DOCK11: variants seen among roughly 807,000 people sequenced by gnomAD.
DOCK11 encodes the protein dedicator of cytokinesis protein 11.
Under a neutral mutation model 169.1 loss-of-function variants are expected in DOCK11, and 70 were observed. The ratio of observed to expected loss-of-function variants is 0.41; its 90% CI spans 0.34 to 0.51. The LOEUF (loss-of-function observed/expected upper bound fraction) is 0.51, where lower values mean the gene tolerates loss of function less well. Ranked by LOEUF, DOCK11 falls within the 20% of genes least tolerant of loss-of-function variation. DOCK11 has a pLI of 0.10. For synonymous variants in DOCK11, 529 were observed against 541.3 expected, an observed-to-expected ratio of 0.98 and a Z score of 0.32; for missense variants, 1,166 against 1,538.8, an observed-to-expected ratio of 0.76 and a Z score of 4.05.
chrX:118,552,042 A>AG (rs2012513611), intron 6 of DOCK11, among the ~76,000 whole-genome samples: 2 of 108,290 alleles, frequency 1.8e-5, no homozygotes, highest in South Asian at 8.1e-4. Context: ...TGTCTCAAAA[A>AG]AAAAAAAAAA....
chrX:118,673,327 C>T (rs1227085024), intron 46 of DOCK11, among the ~76,000 whole-genome samples: 2 of 111,789 alleles, frequency 1.8e-5, no homozygotes, highest in Admixed American at 1.9e-4. Flanking sequence ...ACTGATGTAG[C>T]TGGAGCATGG....
At chrX:118,650,106 T>A (rs937124176) in intron 41 of DOCK11, among the ~76,000 whole-genome samples, 2 of 111,703 alleles carry the variant, frequency 1.8e-5, no homozygotes, top group Admixed American at 9.6e-5. Context: ...CTACCTGCAC[T>A]TAAATCATAG....
chrX:118,561,387 T>G lies in DOCK11; in HGVS notation c.563T>G (p.Phe188Cys), dbSNP rs758673628. ...NSTITVTMKVFKRRYFYLTQL... is the reference protein window; with the variant it reads ...NSTITVTMKVCKRRYFYLTQL... ...TGCTGGGTTTTCCCCATGTAGGTAT[T>G]CAAGAGACGATATTTTTACTTGACC... Residue 188 changes from phenylalanine to cysteine, a missense_variant, in exon 7 of 53, where the codon TTC becomes TGC. Coordinates refer to ENST00000276202, the MANE Select transcript of DOCK11 (RefSeq NM_144658.4). 8.4e-7 allele frequency: 1 copy of G among 1,197,134 alleles called. No individual in the cohort carries two copies.
rs2057533153 is a variant in DOCK11, at chrX:118,495,957, C to T, written c.-15C>T. 1 of 1,059,084 alleles carries T rather than the reference C, an allele frequency of 9.4e-7. No homozygotes were observed. The highest frequency in any genetic ancestry group is 4.6e-5 in the East Asian group (1 of 21,923). The allele number at this position is 1,059,084 out of a possible 1,213,427, so 87.3% of individuals were successfully genotyped here. ...AGGTCCGCCCGCCCGCCGAGACCCG[C>T]CCGCCGCCGCTGCCATGGCCGAAGT... On this transcript the variant is annotated 5_prime_UTR_variant, in exon 1 of 53. Transcript: ENST00000276202.
chrX:118,648,729 AAT>A (rs1374730346), intron 40 of DOCK11, among the ~76,000 whole-genome samples: 1 of 106,386 alleles, frequency 9.4e-6, no homozygotes, highest in Non-Finnish European at 1.9e-5. Flanking sequence ...ACATCTTTGT[AAT>A]AACTTATATA....
At chrX:118,605,432 CTA>C (rs1046394790) in intron 24 of DOCK11, 76 bp downstream of exon 24, 1 of 698,226 alleles carries the variant, frequency 1.4e-6, no homozygotes, top group African/African-American at 2.2e-5. Context: ...GTATTCATTA[CTA>C]TAAACTTCCC....
intron 28 of DOCK11, among the ~76,000 whole-genome samples, chrX:118,610,915 T>G (rs935225017): frequency 2.7e-5 from 3 of 111,116 alleles, no homozygotes; most frequent in African/African-American, 9.8e-5. Context: ...GGCAGGCACC[T>G]GTAATCCCAG....
intron 48 of DOCK11, among the ~76,000 whole-genome samples, chrX:118,679,709 A>G (rs1393310625): frequency 1.8e-5 from 2 of 111,124 alleles, no homozygotes; most frequent in Non-Finnish European, 3.8e-5. Context: ...ACTGCACTTG[A>G]GCCTGGGCAA....
rs771370875 is a variant in DOCK11, at chrX:118,542,526, G to A, written c.103-199G>A. ...TGTGTGTGTGTGTGTGTGTTTGTGT[G>A]TGTGTGTGTGTGTGTGTGTATGTGT... On this transcript the variant is annotated intron_variant, in intron 1 of 52. Transcript: ENST00000276202. 3.5e-3 allele frequency among the ~76,000 whole-genome samples: 388 copies of A among 109,908 alleles called. 3 individuals carry two copies. The highest frequency in any genetic ancestry group is 0.011 in the African/African-American group (345 of 30,165).
chrX:118,598,069 C>T lies in DOCK11; in HGVS notation c.2425C>T (p.Pro809Ser), dbSNP rs372751729. ...TATTAAATGGGTAGATGGTGCAAAG[C>T]CTTTGTTGAAGATTAAAAGCCACTT... is the stretch of plus-strand genomic sequence containing the variant. ...VDIKWVDGAK[P>S]LLKIKSHLES... Residue 809 changes from proline (P) to serine (S), a missense_variant, in exon 22 of 53, where the codon CCT (proline) becomes TCT (serine). Pro to Ser is a moderately conservative substitution (Grantham distance 74). Transcript: ENST00000276202. 5 of 1,195,730 alleles carry T rather than the reference C, an allele frequency of 4.2e-6. No homozygotes were observed. Among genetic ancestry groups the T allele is most frequent in the South Asian group, 1.8e-5 (1 of 54,159 alleles).
intron 8 of DOCK11, 151 bp from the exon 9 acceptor site, chrX:118,566,423 C>A (rs1426141277): frequency 1.7e-6 from 1 of 602,978 alleles, no homozygotes; most frequent in African/African-American, 2.3e-5. Context: ...TTCAAAAGTC[C>A]ATTAAAGTTT....
At chrX:118,673,243 T>C (rs1287803077) in intron 46 of DOCK11, among the ~76,000 whole-genome samples, 2 of 112,111 alleles carry the variant, frequency 1.8e-5, no homozygotes, top group Non-Finnish European at 3.8e-5. Flanking sequence ...GAACTACTCC[T>C]ATTTCCTTGG....
In DOCK11 at chrX:118,681,174, C is replaced by A. The variant is rs758889887; in HGVS notation, c.5788C>A (p.Gln1930Lys). Residue 1930 changes from glutamine to lysine, a missense_variant, in exon 50 of 53, where the codon CAA becomes AAA. By Grantham distance (53) the Gln-to-Lys change is moderately conservative. Coordinates refer to ENST00000276202, the MANE Select transcript of DOCK11 (RefSeq NM_144658.4). ...DEIKDKTAELQKLCSSTDVDM... is the reference protein window; with the variant it reads ...DEIKDKTAELKKLCSSTDVDM... Reference sequence around the variant, plus strand: ...AATAAAAGATAAAACTGCAGAGCTGCAAAAGCTTTGCTCCTCTACTGACGT... The same window carrying A: ...AATAAAAGATAAAACTGCAGAGCTGAAAAAGCTTTGCTCCTCTACTGACGT... 1.7e-5 allele frequency: 20 copies of A among 1,207,193 alleles called. No homozygotes were observed. In the East Asian group the frequency reaches 5.6e-4, roughly 34 times the overall value.
rs146578577 is a variant in DOCK11, at chrX:118,609,289, T to C, written c.2889T>C (p.Phe963=). 3 of 1,197,692 alleles carry C rather than the reference T, an allele frequency of 2.5e-6. No homozygotes were observed. In the African/African-American group the frequency reaches 5.3e-5, roughly 21 times the overall value. ...SINKLLKYSW[F]FFEIIAKSMA... ...TCTTTTTTTTTCAGTACTCATGGTT[T>C]TTCTTTGAAATAATTGCAAAGTCAA... The change falls in exon 27 of 53, where the codon TTT becomes TTC. Residue 963 remains phenylalanine (F), a synonymous_variant. Coordinates refer to ENST00000276202, the MANE Select transcript of DOCK11 (RefSeq NM_144658.4).
intron 41 of DOCK11, among the ~76,000 whole-genome samples, chrX:118,651,739 G>A (rs769165196): frequency 1.1e-4 from 12 of 111,690 alleles, no homozygotes; most frequent in Admixed American, 2.9e-4. Context: ...AATTGTTTAC[G>A]TCTAACCAAG....
At chrX:118,554,876 A>C (rs2012628566) in intron 6 of DOCK11, among the ~76,000 whole-genome samples, 1 of 112,159 alleles carries the variant, frequency 8.9e-6, no homozygotes, top group African/African-American at 3.2e-5. Context: ...TAATGACCAC[A>C]TAAATTGTTA....
rs912372991 is a variant in DOCK11, at chrX:118,618,826, G to A, written c.3471+98G>A. ...TTTTGTAGCAAGGAGCATTATATAAGCATTGAGGAAAATTTATTTTTGCTT... is the reference window on the plus strand; with the variant it reads ...TTTTGTAGCAAGGAGCATTATATAAACATTGAGGAAAATTTATTTTTGCTT... On this transcript the variant is annotated intron_variant, in intron 31 of 52. Transcript: ENST00000276202. 4 of 685,037 alleles carry A rather than the reference G, an allele frequency of 5.8e-6. No individual in the cohort carries two copies. The African/African-American group carries it at 9.1e-5, about 16-fold the overall frequency. 56.5% of individuals were successfully genotyped at this position (685,037 alleles called of 1,213,427 possible).
At chrX:118,650,000 C>T (rs1603162218) in intron 41 of DOCK11, among the ~76,000 whole-genome samples, 1 of 111,466 alleles carries the variant, frequency 9.0e-6, no homozygotes, top group Admixed American at 9.6e-5. Flanking sequence ...GAACAGATAA[C>T]ACAGTTTATG....
chrX:118,605,423 T>G, intron 24 of DOCK11, 67 bp downstream of exon 24: 1 of 762,058 alleles, frequency 1.3e-6, no homozygotes, highest in Non-Finnish European at 1.9e-6. Context: ...TTAATGGAGG[T>G]ATTCATTACT....
Sources: gnomAD v4.1 joint callset for allele counts (sites outside exome capture counted in the v4.1 genomes callset) on GRCh38, gnomAD v4.1.1 for gene constraint, MANE v1.5 for transcripts, NCBI Gene and HGNC (gene_info 2026-07-23, HGNC 2026-07-21) for gene names.